Variants in PCDHGA3 observed in about 807,000 individuals in gnomAD.
The protein encoded by PCDHGA3 is protocadherin gamma subfamily A, 3.
Under a neutral mutation model 58.5 loss-of-function variants are expected in PCDHGA3, and 40 were observed. The ratio of observed to expected loss-of-function variants is 0.68; its 90% CI spans 0.53 to 0.89. The LOEUF is 0.89. Ranked by LOEUF, PCDHGA3 falls within the 40% of genes least tolerant of loss-of-function variation. The pLI is 0.00. For missense variants in PCDHGA3, 1,223 were observed against 1,195.9 expected (o/e 1.02, Z -0.33); for synonymous variants, 530 against 525.7 (o/e 1.01, Z -0.11).
chr5:141,366,600 T>C, intron 1 of PCDHGA3: 2 of 1,614,036 alleles, frequency 1.2e-6, no homozygotes, highest in Non-Finnish European at 1.7e-6. Context: ...TCCCACGAGG[T>C]CTCCCTCACC....
intron 1 of PCDHGA3, chr5:141,395,139 G>C: frequency 6.2e-7 from 1 of 1,614,144 alleles, no homozygotes. Flanking sequence ...GCCCAACTAC[G>C]CAGACATGCT....
intron 1 of PCDHGA3, among the ~76,000 whole-genome samples, chr5:141,465,130 AAG>A (rs1277023430): frequency 2.6e-5 from 4 of 151,968 alleles, no homozygotes; most frequent in Non-Finnish European, 5.9e-5. Flanking sequence ...AATTTGTAAA[AAG>A]TTTAGGGGAT....
intron 1 of PCDHGA3, chr5:141,383,667 A>G (rs1167694570): frequency 1.9e-6 from 3 of 1,614,020 alleles, no homozygotes; most frequent in Non-Finnish European, 2.5e-6. Context: ...AGAATGTGCC[A>G]GTGGGTACAA....
intron 1 of PCDHGA3, among the ~76,000 whole-genome samples, chr5:141,353,057 T>C (rs72790007): frequency 0.022 from 3,282 of 152,274 alleles, 52 homozygotes; most frequent in South Asian, 0.039. Flanking sequence ...TTGATTTTCT[T>C]TCATTGTTCT....
chr5:141,346,060 G>T lies in PCDHGA3; in HGVS notation c.2027G>T (p.Gly676Val). The change falls in exon 1 of 4, where the codon GGC becomes GTC. Residue 676 changes from glycine to valine, a missense_variant. Transcript: ENST00000253812. ...DRIPDILADL[G>V]SLEPSAKPND... ...ATCCCCGACATCCTGGCCGACCTGG[G>T]CAGCCTCGAGCCCTCCGCCAAACCC... 6.2e-7 allele frequency: 1 copy of T among 1,613,574 alleles called. No individual in the cohort carries two copies. The highest frequency in any genetic ancestry group is 8.5e-7 in the Non-Finnish European group (1 of 1,179,838).
intron 1 of PCDHGA3, among the ~76,000 whole-genome samples, chr5:141,354,167 A>G (rs990067225): frequency 2.6e-5 from 4 of 152,212 alleles, no homozygotes; most frequent in Non-Finnish European, 5.9e-5. Flanking sequence ...AAAAATCACT[A>G]AACTATTATC....
chr5:141,409,055 G>A lies in PCDHGA3; in HGVS notation c.2424+62598G>A, dbSNP rs141881204. The A allele has an allele frequency of 7.2e-5, 117 of 1,614,038 alleles. No individual in the cohort carries two copies. Among genetic ancestry groups the A allele is most frequent in the Admixed American group, 5.0e-4 (30 of 60,032 alleles). On this transcript the variant is annotated intron_variant, in intron 1 of 3. Coordinates refer to ENST00000253812, the MANE Select transcript of PCDHGA3 (RefSeq NM_018916.4). ...GATAAACTACTACTTCCGAAGCACT[G>A]CCCAGAGCACAAAACATATGTTCTC...
intron 1 of PCDHGA3, chr5:141,383,071 G>A (rs1778782498): frequency 1.2e-6 from 2 of 1,613,916 alleles, no homozygotes; most frequent in South Asian, 1.1e-5. Context: ...GGAGCCCCGG[G>A]AGCTGGCGGA....
chr5:141,377,430 T>C (rs1308051444), intron 1 of PCDHGA3: 1 of 151,886 alleles, frequency 6.6e-6, no homozygotes, highest in Non-Finnish European at 1.5e-5. Context: ...ACTCTGTCTC[T>C]ACCAAAAAGA....
intron 1 of PCDHGA3, among the ~76,000 whole-genome samples, chr5:141,450,782 C>T (rs1012152203): frequency 2.0e-5 from 3 of 151,350 alleles, no homozygotes; most frequent in East Asian, 1.9e-4. Flanking sequence ...CCACCGTGCC[C>T]GGACCTCATG....
rs746309479 is a variant in PCDHGA3, at chr5:141,389,523, C to T, written c.2424+43066C>T. 36 of 1,613,164 alleles carry T rather than the reference C, an allele frequency of 2.2e-5. No homozygotes were observed. Among genetic ancestry groups the T allele is most frequent in the East Asian group, 4.5e-5 (2 of 44,878 alleles). On this transcript the variant is annotated intron_variant, in intron 1 of 3. Coordinates refer to ENST00000253812, the MANE Select transcript of PCDHGA3 (RefSeq NM_018916.4). ...AGCGCTCAGCGCGAACGTGAGCCTG[C>T]GCGTGTTAGTGGACGACCGCAACGA...
intron 1 of PCDHGA3, chr5:141,478,885 A>G (rs2099483148): frequency 8.4e-7 from 1 of 1,193,320 alleles, no homozygotes; most frequent in East Asian, 2.6e-5. Flanking sequence ...GCTTGGTATC[A>G]TTTACATTAG....
In PCDHGA3 at chr5:141,345,143, C is replaced by A. The variant is rs774990344; in HGVS notation, c.1110C>A (p.Asp370Glu). Residue 370 changes from aspartate to glutamate, a missense_variant, in exon 1 of 4, where the codon GAC (aspartate) becomes GAA (glutamate). Physicochemically the swap from Asp to Glu is conservative, Grantham distance 45. Coordinates refer to ENST00000253812, the MANE Select transcript of PCDHGA3 (RefSeq NM_018916.4). Reference sequence around the variant, plus strand: ...TTGGAAGAGAAATTGCTCTTATCGACGTGCATGACCGAGATTCTGGGCAGA... The same window carrying A: ...TTGGAAGAGAAATTGCTCTTATCGAAGTGCATGACCGAGATTCTGGGCAGA... ...GTVGREIALI[D>E]VHDRDSGQNG... 6.2e-7 allele frequency: 1 copy of A among 1,613,872 alleles called. No homozygotes were observed. The highest frequency in any genetic ancestry group is 8.5e-7 in the Non-Finnish European group (1 of 1,179,880).
chr5:141,506,577 A>G (rs2099855057), intron 3 of PCDHGA3, among the ~76,000 whole-genome samples: 1 of 152,162 alleles, frequency 6.6e-6, no homozygotes, highest in South Asian at 2.1e-4. Flanking sequence ...TTCACTTACT[A>G]TTAATGGGCA....
intron 1 of PCDHGA3, chr5:141,399,149 C>A: frequency 6.2e-7 from 1 of 1,613,772 alleles, no homozygotes; most frequent in Non-Finnish European, 8.5e-7. Flanking sequence ...GACAATAGCC[C>A]AGAAGTTACA....
rs371490086 is a variant in PCDHGA3, at chr5:141,405,329, G to T, written c.2424+58872G>T. 3 of 1,614,168 alleles carry T rather than the reference G, an allele frequency of 1.9e-6. No individual in the cohort carries two copies. Among genetic ancestry groups the T allele is most frequent in the Non-Finnish European group, 2.5e-6 (3 of 1,180,010 alleles). On this transcript the variant is annotated intron_variant, in intron 1 of 3. Coordinates refer to ENST00000253812, the MANE Select transcript of PCDHGA3 (RefSeq NM_018916.4). The stretch of plus-strand genomic sequence containing the variant: ...CTGTGAGAAAAATGAGCCTTTGTGC[G>T]TCTCTGTTGATTCCAAGTTTCCTAT...
intron 1 of PCDHGA3, chr5:141,429,047 GGTTTCACC>G (rs1254088441): frequency 1.3e-5 from 2 of 152,034 alleles, no homozygotes; most frequent in Non-Finnish European, 2.9e-5. Flanking sequence ...GTACAGACGG[GGTTTCACC>G]GTGTTAGCCA....
rs2099642802 is a variant in PCDHGA3, at chr5:141,487,311, CTAAG to C, written c.2425-7494_2425-7491del. The C allele has an allele frequency of 1.2e-6, 2 of 1,614,058 alleles. No individual in the cohort carries two copies. On this transcript the variant is annotated intron_variant, in intron 1 of 3. Coordinates refer to ENST00000253812, the MANE Select transcript of PCDHGA3 (RefSeq NM_018916.4). This position sits in a 1 kb window ranked among gnomAD's most constrained non-coding sequence, Gnocchi z 5.0. ...TTTGGCTCATTCGTGGCACTACTCTCTAAGTGTCTTCGTGGGGCAGCCTGTGGAG... is the reference window on the plus strand; with the variant it reads ...TTTGGCTCATTCGTGGCACTACTCTCTGTCTTCGTGGGGCAGCCTGTGGAG...
intron 1 of PCDHGA3, among the ~76,000 whole-genome samples, chr5:141,480,959 C>A (rs1476891394): frequency 1.3e-5 from 2 of 152,086 alleles, no homozygotes; most frequent in East Asian, 3.8e-4. Flanking sequence ...GCGGAAGCAT[C>A]AGTGAGGGAG....
Sources: allele counts gnomAD v4.1 joint callset (sites outside exome capture counted in the v4.1 genomes callset), GRCh38; gene constraint gnomAD v4.1.1; non-coding constraint Gnocchi (gnomAD v3.1); transcripts MANE v1.5; gene names NCBI Gene and HGNC (gene_info 2026-07-23, HGNC 2026-07-21).